Variants in SP4 observed in about 807,000 individuals in gnomAD.
SP4 encodes Sp4 transcription factor.
A neutral mutation model predicts 72.8 loss-of-function variants in SP4; 19 were observed. The ratio of observed to expected loss-of-function variants is 0.26; its 90% CI spans 0.18 to 0.38. The LOEUF (loss-of-function observed/expected upper bound fraction) is 0.38, where lower values mean the gene tolerates loss of function less well. SP4 is among the 10% of genes least tolerant of loss of function. SP4 has a pLI of 1.00. For synonymous variants in SP4, 395 were observed against 333.1 expected (o/e 1.19, Z -2.02); for missense variants, 1,008 against 926.3 (o/e 1.09, Z -1.14).
At chr7:21,429,265 C>G in intron 2 of SP4, 24 bp from the exon 3 acceptor site, 1 of 1,200,130 alleles carries the variant, frequency 8.3e-7, no homozygotes, top group Non-Finnish European at 1.2e-6. Flanking sequence ...CCCCCCCTCT[C>G]CTTTACCGTC....
At chr7:21,487,207 C>G (rs1029090587) in intron 5 of SP4, among the ~76,000 whole-genome samples, 1 of 152,038 alleles carries the variant, frequency 6.6e-6, no homozygotes, top group Non-Finnish European at 1.5e-5. Context: ...TCTTGAAGTG[C>G]CCCTGTTTTG....
intron 4 of SP4, among the ~76,000 whole-genome samples, chr7:21,479,329 G>C (rs986301795): frequency 1.3e-5 from 2 of 151,598 alleles, no homozygotes; most frequent in African/African-American, 4.8e-5. Flanking sequence ...TTAATTTGGG[G>C]TTAATTTTTA....
chr7:21,513,305 AT>A lies in SP4; in HGVS notation c.*2041del, dbSNP rs1413578615. Reference sequence around the variant, plus strand: ...GCTTTGAGATTAAAGGAAAAAAAAAATTTTTACACTGTGGTTATAAATTTCA... The same window carrying A: ...GCTTTGAGATTAAAGGAAAAAAAAAATTTTACACTGTGGTTATAAATTTCA... On this transcript the variant is annotated 3_prime_UTR_variant, in exon 6 of 6. Transcript: ENST00000222584. The A allele has an allele frequency of 1.3e-5, 2 of 152,232 alleles. No individual in the cohort carries two copies. Among genetic ancestry groups the A allele is most frequent in the African/African-American group, 4.9e-5 (2 of 41,198 alleles). The allele number at this position is 152,232 out of a possible 1,614,324, so 9.4% of individuals were successfully genotyped here. A position where few individuals can be genotyped will look rare whatever the true frequency, so the allele number is the denominator to read the frequency against.
At chr7:21,501,218 G>A (rs188492190) in intron 5 of SP4, among the ~76,000 whole-genome samples, 28 of 152,064 alleles carry the variant, frequency 1.8e-4, no homozygotes, top group Admixed American at 1.8e-3. Flanking sequence ...TCTACATTCT[G>A]TTTGCTCATT....
intron 4 of SP4, among the ~76,000 whole-genome samples, chr7:21,480,993 T>TGGA (rs1338875411): frequency 6.6e-6 from 1 of 152,218 alleles, no homozygotes; most frequent in African/African-American, 2.4e-5. Flanking sequence ...CAACCCTGCT[T>TGGA]TAAGAGCTGA....
intron 1 of SP4, among the ~76,000 whole-genome samples, 175 bp from the exon 2 acceptor site, chr7:21,428,502 A>T (rs1482716263): frequency 6.6e-6 from 1 of 151,942 alleles, no homozygotes; most frequent in Non-Finnish European, 1.5e-5. Context: ...ACGTTTTGTG[A>T]TATCCCCCTC....
intron 3 of SP4, among the ~76,000 whole-genome samples, chr7:21,465,720 G>A (rs1056872544): frequency 5.3e-5 from 8 of 152,254 alleles, no homozygotes; most frequent in African/African-American, 1.9e-4. Context: ...AAAAAATTTA[G>A]CTGGGTATGG....
intron 5 of SP4, among the ~76,000 whole-genome samples, chr7:21,486,413 A>G (rs1231843346): frequency 6.6e-6 from 1 of 152,068 alleles, no homozygotes; most frequent in Non-Finnish European, 1.5e-5. Flanking sequence ...CTTTTCCAGG[A>G]TTCAGTCTGG....
At chr7:21,443,136 A>T (rs76989007) in intron 3 of SP4, among the ~76,000 whole-genome samples, 17,749 of 152,246 alleles carry the variant, frequency 0.12, 1,828 homozygotes, top group Admixed American at 0.23. Context: ...TCTGTGTTAT[A>T]TATGTAAGTA....
chr7:21,482,671 T>A, intron 5 of SP4: 3 of 984,286 alleles, frequency 3.0e-6, no homozygotes, highest in Non-Finnish European at 3.6e-6. Context: ...CTGCAGCTGC[T>A]ATAAATCTAA....
At chr7:21,445,988 ATGTGTGTGTGTGTGTGTGTGTGTGTG>A (rs4000966) in intron 3 of SP4, among the ~76,000 whole-genome samples, 2 of 143,118 alleles carry the variant, frequency 1.4e-5, no homozygotes, top group Non-Finnish European at 3.1e-5. Flanking sequence ...TCTTATGTGT[ATGTGTGTGTGTGTGTGTGTGTGTGTG>A]TGTGTGTGTG....
In SP4 at chr7:21,481,866, A is replaced by C. The variant is rs1321566993; in HGVS notation, c.1908-58A>C. On this transcript the variant is annotated intron_variant, in intron 4 of 5. Transcript: ENST00000222584. ...TACCTTGATTCTTTTTAATTTTTCT[A>C]TAATTGTAAACCTACTATTTGGCAG... 2.5e-6 allele frequency: 3 copies of C among 1,188,404 alleles called. No homozygotes were observed. In the African/African-American group the frequency reaches 4.6e-5, roughly 18 times the overall value. The allele number at this position is 1,188,404 out of a possible 1,614,324, so 73.6% of individuals were successfully genotyped here. A position where few individuals can be genotyped will look rare whatever the true frequency, so the allele number is the denominator to read the frequency against.
intron 3 of SP4, among the ~76,000 whole-genome samples, chr7:21,457,328 C>G (rs1344811079): frequency 6.6e-6 from 1 of 152,110 alleles, no homozygotes; most frequent in African/African-American, 2.4e-5. Context: ...GGAAAACATA[C>G]ATAGTTATTT....
chr7:21,428,938 C>A, intron 2 of SP4, 146 bp downstream of exon 2: 1 of 699,696 alleles, frequency 1.4e-6, no homozygotes, highest in Non-Finnish European at 2.4e-6. Context: ...ATTGTAAATT[C>A]ATCAAGTTTT....
intron 3 of SP4, among the ~76,000 whole-genome samples, chr7:21,435,306 T>G (rs1054879963): frequency 2.0e-5 from 3 of 152,188 alleles, no homozygotes; most frequent in Non-Finnish European, 2.9e-5. Flanking sequence ...ACCTAATTTC[T>G]TTACTTCTCC....
intron 3 of SP4, among the ~76,000 whole-genome samples, chr7:21,466,515 T>G (rs183100513): frequency 6.8e-4 from 103 of 152,316 alleles, no homozygotes; most frequent in African/African-American, 2.4e-3. Flanking sequence ...ACAGGTCTGC[T>G]TGACCCAAAA....
chr7:21,493,306 G>A (rs1181259510), intron 5 of SP4, among the ~76,000 whole-genome samples: 3 of 151,616 alleles, frequency 2.0e-5, no homozygotes, highest in African/African-American at 7.3e-5. Flanking sequence ...AACAACACAT[G>A]GGCCAAGAAA....
chr7:21,428,123 C>G lies in SP4; in HGVS notation c.-129C>G, dbSNP rs1402993501. On this transcript the variant is annotated 5_prime_UTR_variant, in exon 1 of 6. Transcript: ENST00000222584. ...CCATTCGCGGAAAAAGAGGCAGAGCCTGTGCCAGCTACAGCCTCCTCCGAG... is the reference window on the plus strand; with the variant it reads ...CCATTCGCGGAAAAAGAGGCAGAGCGTGTGCCAGCTACAGCCTCCTCCGAG... 6 of 710,580 alleles carry G rather than the reference C, an allele frequency of 8.4e-6. 1 individual carries two copies. The South Asian group carries it at 9.0e-5, about 11-fold the overall frequency. 44.0% of individuals were successfully genotyped at this position (710,580 alleles called of 1,614,324 possible).
intron 5 of SP4, among the ~76,000 whole-genome samples, chr7:21,505,843 G>A (rs1037563801): frequency 2.0e-5 from 3 of 152,050 alleles, no homozygotes; most frequent in African/African-American, 7.2e-5. Flanking sequence ...ATTACCAGTT[G>A]GAGACCTTTT....
Sources: gnomAD v4.1 joint callset for allele counts (sites outside exome capture counted in the v4.1 genomes callset) on GRCh38, gnomAD v4.1.1 for gene constraint, MANE v1.5 for transcripts, NCBI Gene and HGNC (gene_info 2026-07-23, HGNC 2026-07-21) for gene names.